Variants in EPHA2 observed in about 807,000 individuals in gnomAD.
EPHA2 encodes the protein ephrin type-A receptor 2.
EPHA2 carries 54 observed loss-of-function variants against 104.9 expected under a neutral mutation model. The ratio of observed to expected loss-of-function variants is 0.51; its 90% CI spans 0.41 to 0.65. EPHA2 has a LOEUF of 0.65. Ranked by LOEUF, EPHA2 falls within the 30% of genes least tolerant of loss-of-function variation. The probability of loss-of-function intolerance (pLI) is 0.00; values close to 1 mark genes in which losing one functional copy is unlikely to be tolerated. For missense variants in EPHA2, 1,117 were observed against 1,369.5 expected (o/e 0.82, Z 2.91); for synonymous variants, 560 against 559.1 (o/e 1.00, Z -0.02).
At position 16,138,429 on chromosome 1, in the gene EPHA2, G is replaced by A; in HGVS notation, c.825C>T (p.Ala275=). ...CAAACTTAAAAAATCCAGGCGAGCA[G>A]GCTGGTGGACACAGGACAGACAGAG... ...GYEKVEDACQ[A]CSPGFFKFEA... Residue 275 remains alanine, a splice_region_variant and synonymous_variant, in exon 4 of 17, where the codon GCC becomes GCT. Coordinates refer to ENST00000358432, the MANE Select transcript of EPHA2 (RefSeq NM_004431.5). 6.2e-7 allele frequency: 1 copy of A among 1,613,604 alleles called. No individual in the cohort carries two copies. The highest frequency in any genetic ancestry group is 8.5e-7 in the Non-Finnish European group (1 of 1,180,024).
At chr1:16,138,809 C>A (rs893442309) in intron 3 of EPHA2, among the ~76,000 whole-genome samples, 1 of 152,212 alleles carries the variant, frequency 6.6e-6, no homozygotes, top group Non-Finnish European at 1.5e-5. Context: ...CATCCCCTTT[C>A]CTCCATGCAG....
chr1:16,125,223 G>A lies in EPHA2; in HGVS notation c.2923C>T (p.Pro975Ser), dbSNP rs200109380. 1.9e-6 allele frequency: 3 copies of A among 1,613,932 alleles called. No individual in the cohort carries two copies. Among genetic ancestry groups the A allele is most frequent in the East Asian group, 2.2e-5 (1 of 44,882 alleles). Residue 975 changes from proline to serine, a missense_variant, in exon 17 of 17, where the codon CCC becomes TCC. By Grantham distance (74) the Pro-to-Ser change is moderately conservative. This residue lies in a region of EPHA2 where 340 missense variants were observed against 480.5 expected (regional missense o/e 0.71). Transcript: ENST00000358432. This position sits in a 1 kb window ranked among gnomAD's most constrained non-coding sequence, Gnocchi z 4.9. ...CCAGGCCCTGTCGAGGCTCAGATGG[G>A]GATCCCCACAGTGTTCACCTGGTCC... is the stretch of plus-strand genomic sequence containing the variant. ...LKDQVNTVGIPI is the reference protein window; with the variant it reads ...LKDQVNTVGISI
chr1:16,156,011 T>C lies in EPHA2; in HGVS notation c.-79A>G, dbSNP rs2025162123. ...GCACGCCTGCACGCCGGCCTCGGTGTCCGCTCCCGCCCGCCGGCCTGCGCG... is the reference window on the plus strand; with the variant it reads ...GCACGCCTGCACGCCGGCCTCGGTGCCCGCTCCCGCCCGCCGGCCTGCGCG... On this transcript the variant is annotated 5_prime_UTR_variant, in exon 1 of 17. Coordinates refer to ENST00000358432, the MANE Select transcript of EPHA2 (RefSeq NM_004431.5). 2 of 1,262,300 alleles carry C rather than the reference T, an allele frequency of 1.6e-6. No homozygotes were observed. Among genetic ancestry groups the C allele is most frequent in the Non-Finnish European group, 2.1e-6 (2 of 963,346 alleles). The allele number at this position is 1,262,300 out of a possible 1,614,324, so 78.2% of individuals were successfully genotyped here.
chr1:16,140,335 A>C (rs538342396), intron 3 of EPHA2, among the ~76,000 whole-genome samples: 1 of 152,354 alleles, frequency 6.6e-6, no homozygotes, highest in East Asian at 1.9e-4. Context: ...CAGGTCATGC[A>C]GCAGGACAGA....
rs114367497 is a variant in EPHA2, at chr1:16,138,800, A to G, written c.824-370T>C. ...ACCAAGCACGCTGCCCACCGGCCTC[A>G]TCCCCTTTCCTCCATGCAGACTAGC... On this transcript the variant is annotated intron_variant, in intron 3 of 16. Transcript: ENST00000358432. Among the ~76,000 whole-genome samples the G allele has an allele frequency of 3.8e-3, 581 of 152,250 alleles. 2 individuals are homozygous for G. The highest frequency in any genetic ancestry group is 0.014 in the African/African-American group (563 of 41,560).
At chr1:16,152,209 C>A (rs551737042) in intron 1 of EPHA2, among the ~76,000 whole-genome samples, 8 of 152,280 alleles carry the variant, frequency 5.3e-5, no homozygotes, top group Admixed American at 1.3e-4. Context: ...AGGCCAGGAC[C>A]GGAGAAGGAC....
chr1:16,133,867 G>A lies in EPHA2; in HGVS notation c.1731C>T (p.Ser577=). ...GCGGGGGCTGCGTCTCACCTGACTT[G>A]GAGAAGTAAACGTCCTCCGGGGACT... is the stretch of plus-strand genomic sequence containing the variant. The part of the protein sequence containing the change: ...ARQSPEDVYF[S]KSEQLKPLKT... The change falls in exon 9 of 17, where the codon TCC becomes TCT. Residue 577 remains serine (S), a synonymous_variant. Coordinates refer to ENST00000358432, the MANE Select transcript of EPHA2 (RefSeq NM_004431.5). 3.9e-6 allele frequency: 6 copies of A among 1,549,610 alleles called. No homozygotes were observed. Among genetic ancestry groups the A allele is most frequent in the Non-Finnish European group, 5.2e-6 (6 of 1,145,812 alleles).
chr1:16,132,353 C>G, intron 12 of EPHA2, 25 bp downstream of exon 12: 1 of 1,614,126 alleles, frequency 6.2e-7, no homozygotes. Flanking sequence ...CAGGCATCCC[C>G]GCCCCCTACA....
chr1:16,132,008 G>A (rs2024578738), intron 13 of EPHA2, 56 bp downstream of exon 13: 2 of 1,612,978 alleles, frequency 1.2e-6, no homozygotes, highest in Admixed American at 1.7e-5. Context: ...GCAGGTGAGA[G>A]GACACCATGC....
rs772481294 is a variant in EPHA2 at position 16,135,215 on chromosome 1, G to A, written c.1429-26C>T. ...CTGTGGGTGGGTGGCCGGCGGAGGA[G>A]CAGGCAGTGAGGGCAGGGCAGGGGC... On this transcript the variant is annotated intron_variant, in intron 6 of 16. Coordinates refer to ENST00000358432, the MANE Select transcript of EPHA2 (RefSeq NM_004431.5). This position sits in a 1 kb window ranked among gnomAD's most constrained non-coding sequence, Gnocchi z 4.3. 86 of 1,612,776 alleles carry A rather than the reference G, an allele frequency of 5.3e-5. No individual in the cohort carries two copies. Among genetic ancestry groups the A allele is most frequent in the Admixed American group, 8.3e-5 (5 of 60,016 alleles).
rs765078166 is a variant in EPHA2 at position 16,135,164 on chromosome 1, C to A, written c.1454G>T (p.Arg485Leu). 33 of 1,613,830 alleles carry A rather than the reference C, an allele frequency of 2.0e-5. No individual in the cohort carries two copies. Among genetic ancestry groups the A allele is most frequent in the Non-Finnish European group, 2.8e-5 (33 of 1,179,988 alleles). The change falls in exon 7 of 17, where the codon CGC (arginine) becomes CTC (leucine). Residue 485 changes from arginine to leucine, a missense_variant. Arg to Leu is a moderately radical substitution (Grantham distance 102, BLOSUM62 -2). Transcript: ENST00000358432. This position sits in a 1 kb window ranked among gnomAD's most constrained non-coding sequence, Gnocchi z 4.3. ...KKGDSNSYNV[R>L]RTEGFSVTLD... ...GGTCACGGAGAAACCCTCGGTGCGG[C>A]GCACATTGTAGCTGTTGGAGTCTCC...
At chr1:16,154,127 G>A (rs748516513) in intron 1 of EPHA2, among the ~76,000 whole-genome samples, 2 of 152,146 alleles carry the variant, frequency 1.3e-5, no homozygotes, top group Admixed American at 1.3e-4. Flanking sequence ...CAGCAGCAAA[G>A]CACCCGCCTA....
Position 16,130,097 on chromosome 1 carries a change from C to G in EPHA2, c.2669+129G>C. On this transcript the variant is annotated intron_variant, in intron 15 of 16. Transcript: ENST00000358432. This position sits in a 1 kb window ranked among gnomAD's most constrained non-coding sequence, Gnocchi z 4.5. Reference sequence around the variant, plus strand: ...CCATCGTGTCCAGTCTAAGTCAAGTCCACACATAACCTCTTAGCCCCCAGC... The same window carrying G: ...CCATCGTGTCCAGTCTAAGTCAAGTGCACACATAACCTCTTAGCCCCCAGC... 7.9e-7 allele frequency: 1 copy of G among 1,266,778 alleles called. No homozygotes were observed. The highest frequency in any genetic ancestry group is 1.3e-5 in the South Asian group (1 of 74,590). 78.5% of individuals were successfully genotyped at this position (1,266,778 alleles called of 1,614,324 possible). A position where few individuals can be genotyped will look rare whatever the true frequency, so the allele number is the denominator to read the frequency against.
Position 16,130,463 on chromosome 1 carries a change from T to G in EPHA2, c.2476-44A>C, listed in dbSNP as rs529965931. 7.3e-6 allele frequency: 11 copies of G among 1,512,770 alleles called. No individual in the cohort carries two copies. The highest frequency in any genetic ancestry group is 9.8e-6 in the Non-Finnish European group (11 of 1,127,480). 93.7% of individuals were successfully genotyped at this position (1,512,770 alleles called of 1,614,324 possible). On this transcript the variant is annotated intron_variant, in intron 14 of 16. Coordinates refer to ENST00000358432, the MANE Select transcript of EPHA2 (RefSeq NM_004431.5). The surrounding 1 kb of genome is among the most constrained non-coding windows in gnomAD (Gnocchi z 4.5). The stretch of plus-strand genomic sequence containing the variant: ...CAGGGGCGCTGTTGCAGAAAGCCAC[T>G]GAAACCCTCTGCAGCCTCCAGCCTA...
intron 3 of EPHA2, among the ~76,000 whole-genome samples, chr1:16,141,221 C>A (rs1557510780): frequency 6.6e-6 from 1 of 152,172 alleles, no homozygotes; most frequent in Non-Finnish European, 1.5e-5. Context: ...CACCACAGAT[C>A]TTCTCAAACT....
At position 16,133,844 on chromosome 1, in the gene EPHA2, G is replaced by A. The variant is rs6669624; in HGVS notation, c.1738+16C>T. The A allele has an allele frequency of 0.086, 132,598 of 1,541,078 alleles. 13,376 individuals carry two copies. Among genetic ancestry groups the A allele is most frequent in the African/African-American group, 0.51 (37,221 of 72,846 alleles). ...GTGCGGGCAGGGCTGGGCCTGGAGC[G>A]GGGGCTGCGTCTCACCTGACTTGGA... On this transcript the variant is annotated intron_variant, in intron 9 of 16. Coordinates refer to ENST00000358432, the MANE Select transcript of EPHA2 (RefSeq NM_004431.5).
chr1:16,130,564 C>T lies in EPHA2; in HGVS notation c.2476-145G>A. 1.2e-6 allele frequency: 1 copy of T among 807,316 alleles called. No homozygotes were observed. The highest frequency in any genetic ancestry group is 2.9e-5 in the East Asian group (1 of 34,806). 50.0% of individuals were successfully genotyped at this position (807,316 alleles called of 1,614,324 possible). On this transcript the variant is annotated intron_variant, in intron 14 of 16. Coordinates refer to ENST00000358432, the MANE Select transcript of EPHA2 (RefSeq NM_004431.5). The surrounding 1 kb of genome is among the most constrained non-coding windows in gnomAD (Gnocchi z 4.5). Reference sequence around the variant, plus strand: ...AGGAAGGGCCTTTCTTGAGCTGCCACCCAACCTTCAGAGCTGCCCAAAGGG... The same window carrying T: ...AGGAAGGGCCTTTCTTGAGCTGCCATCCAACCTTCAGAGCTGCCCAAAGGG...
At chr1:16,154,838 G>C (rs902870536) in intron 1 of EPHA2, among the ~76,000 whole-genome samples, 1 of 151,652 alleles carries the variant, frequency 6.6e-6, no homozygotes, top group Non-Finnish European at 1.5e-5. Flanking sequence ...TGGAGCCTGC[G>C]GAAACCTCGC....
At position 16,136,713 on chromosome 1, in the gene EPHA2, A is replaced by G. The variant is rs200316429; in HGVS notation, c.1313-943T>C. 2.3e-4 allele frequency among the ~76,000 whole-genome samples: 24 copies of G among 102,732 alleles called. 1 individual carries two copies. Among genetic ancestry groups the G allele is most frequent in the Middle Eastern group, 4.1e-3 (1 of 244 alleles). The allele number at this position is 102,732 out of a possible 152,430, so 67.4% of individuals were successfully genotyped here. A position where few individuals can be genotyped will look rare whatever the true frequency, so the allele number is the denominator to read the frequency against. ...AAGAGGAAGAAGAAGAAGAAGAAGA[A>G]AAGAAGAAGAAGAAGAAGAAGAAGA... On this transcript the variant is annotated intron_variant, in intron 5 of 16. Transcript: ENST00000358432.
Sources: allele counts gnomAD v4.1 joint callset (sites outside exome capture counted in the v4.1 genomes callset), GRCh38; gene constraint gnomAD v4.1.1; regional missense constraint gnomAD v4.1.1; non-coding constraint Gnocchi (gnomAD v3.1); transcripts MANE v1.5; gene names NCBI Gene and HGNC (gene_info 2026-07-23, HGNC 2026-07-21).